Variants in CFAP61 observed in about 807,000 individuals in gnomAD.
CFAP61 encodes cilia- and flagella-associated protein 61.
CFAP61 carries 107 observed loss-of-function variants against 135.6 expected under a neutral mutation model. That is an observed-to-expected ratio of 0.79 (90% CI 0.67 to 0.93). The LOEUF is 0.93. Ranked by LOEUF, CFAP61 falls within the 40% of genes least tolerant of loss-of-function variation. CFAP61 has a pLI of 0.00. For missense variants in CFAP61, 1,507 were observed against 1,556.2 expected, an observed-to-expected ratio of 0.97 and a Z score of 0.53; for synonymous variants, 575 against 578.5, an observed-to-expected ratio of 0.99 and a Z score of 0.09.
chr20:20,282,174 C>G (rs556403346), intron 22 of CFAP61, among the ~76,000 whole-genome samples: 1 of 152,256 alleles, frequency 6.6e-6, no homozygotes, highest in Admixed American at 6.5e-5. Context: ...CTGCCAGTCT[C>G]TCTGTCTCTG....
intron 26 of CFAP61, among the ~76,000 whole-genome samples, chr20:20,358,085 G>A (rs1327230501): frequency 1.3e-5 from 2 of 148,860 alleles, no homozygotes; most frequent in Non-Finnish European, 3.0e-5. Context: ...GAGGGGAGGT[G>A]GTCACACTGT....
At chr20:20,294,116 G>A (rs1248029984) in intron 24 of CFAP61, among the ~76,000 whole-genome samples, 1 of 152,198 alleles carries the variant, frequency 6.6e-6, no homozygotes, top group Admixed American at 6.5e-5. Context: ...AATAGGGGAA[G>A]ACACCAGATA....
chr20:20,087,852 C>T (rs1276358395), intron 6 of CFAP61, among the ~76,000 whole-genome samples: 1 of 150,826 alleles, frequency 6.6e-6, no homozygotes, highest in Non-Finnish European at 1.5e-5. Flanking sequence ...AGGCTGTGAC[C>T]ACTATGCTGT....
At position 20,170,906 on chromosome 20, in the gene CFAP61, A is replaced by G. The variant is rs187455707; in HGVS notation, c.1385+1446A>G. Among the ~76,000 whole-genome samples the G allele has an allele frequency of 3.5e-4, 54 of 152,332 alleles. No homozygotes were observed. The East Asian group carries it at 6.7e-3, about 19-fold the overall frequency. On this transcript the variant is annotated intron_variant, in intron 13 of 26. Coordinates refer to ENST00000245957, the MANE Select transcript of CFAP61 (RefSeq NM_015585.4). ...GATAATTAACATTTATTGAGGGTTT[A>G]TAGTGTGCCAGGCGCTTTCTTAATA...
intron 9 of CFAP61, among the ~76,000 whole-genome samples, chr20:20,150,173 C>CA (rs2052276760): frequency 6.6e-6 from 1 of 151,940 alleles, no homozygotes; most frequent in Non-Finnish European, 1.5e-5. Flanking sequence ...ATGCGCCCAC[C>CA]ACCCCCCTAC....
At chr20:20,304,472 A>G (rs1336374218) in intron 25 of CFAP61, among the ~76,000 whole-genome samples, 1 of 151,926 alleles carries the variant, frequency 6.6e-6, no homozygotes, top group Non-Finnish European at 1.5e-5. Context: ...TCCCCTTAAA[A>G]GCATTTGTGC....
Position 20,178,685 on chromosome 20 carries a change from C to CA in CFAP61, c.1385+9226dup, listed in dbSNP as rs1170201352. ...TTGTCCTTTAATCGATTCTCCCCCC[C>CA]ACCATTTCTGTTTTCTTTGCTTTTC... On this transcript the variant is annotated intron_variant, in intron 13 of 26. Coordinates refer to ENST00000245957, the MANE Select transcript of CFAP61 (RefSeq NM_015585.4). Among the ~76,000 whole-genome samples the CA allele has an allele frequency of 2.0e-4, 30 of 152,198 alleles. 1 individual carries two copies. The highest frequency in any genetic ancestry group is 1.9e-3 in the East Asian group (10 of 5,178).
chr20:20,344,572 A>T (rs1430415911), intron 26 of CFAP61, among the ~76,000 whole-genome samples: 1 of 152,234 alleles, frequency 6.6e-6, no homozygotes, highest in Non-Finnish European at 1.5e-5. Flanking sequence ...CCCAGTGACA[A>T]TGGCTTTTAT....
At chr20:20,202,002 G>A in intron 17 of CFAP61, among the ~76,000 whole-genome samples, 1 of 141,460 alleles carries the variant, frequency 7.1e-6, no homozygotes, top group Middle Eastern at 3.5e-3. Flanking sequence ...AGAATTTTCA[G>A]TTAGGTGACT....
intron 25 of CFAP61, among the ~76,000 whole-genome samples, chr20:20,303,644 C>G (rs1261421950): frequency 6.6e-6 from 1 of 152,094 alleles, no homozygotes; most frequent in African/African-American, 2.4e-5. Flanking sequence ...TCTTTCCAAG[C>G]AGGGTGAATG....
intron 25 of CFAP61, among the ~76,000 whole-genome samples, chr20:20,331,991 A>G (rs1384208866): frequency 2.0e-5 from 3 of 152,224 alleles, no homozygotes; most frequent in Admixed American, 1.3e-4. Context: ...GCCTCATACT[A>G]TTAGTGCTGA....
chr20:20,102,539 A>T (rs147025327), intron 8 of CFAP61, among the ~76,000 whole-genome samples: 23 of 152,196 alleles, frequency 1.5e-4, no homozygotes, highest in African/African-American at 4.6e-4. Flanking sequence ...ACATAGGTAA[A>T]CTTGTGTCAT....
chr20:20,255,494 A>C (rs1358425278), intron 20 of CFAP61, among the ~76,000 whole-genome samples: 1 of 152,178 alleles, frequency 6.6e-6, no homozygotes, highest in East Asian at 1.9e-4. Flanking sequence ...AGTGAGCTTG[A>C]TGTGGGTCGG....
intron 25 of CFAP61, among the ~76,000 whole-genome samples, chr20:20,300,085 C>A (rs6081954): frequency 5.8e-4 from 88 of 152,286 alleles, no homozygotes; most frequent in African/African-American, 2.0e-3. Context: ...TTCCTGTCAC[C>A]TAGCACAACA....
rs111750018 is a variant in CFAP61 at position 20,185,166 on chromosome 20, T to C, written c.1386-2764T>C. On this transcript the variant is annotated intron_variant, in intron 13 of 26. Coordinates refer to ENST00000245957, the MANE Select transcript of CFAP61 (RefSeq NM_015585.4). ...ATGAAGCTCGTATATTGTAATCTTA[T>C]GTATCTTACTTTATGCATTTAAAAA... Among the ~76,000 whole-genome samples the C allele has an allele frequency of 2.1e-3, 320 of 152,344 alleles. 1 individual carries two copies. The highest frequency in any genetic ancestry group is 7.3e-3 in the African/African-American group (302 of 41,586).
chr20:20,107,624 A>C (rs2048504130), intron 8 of CFAP61: 1 of 148,448 alleles, frequency 6.7e-6, no homozygotes, highest in African/African-American at 2.4e-5. Flanking sequence ...ATACTTAAAA[A>C]AATTTTTTTT....
rs75304972 is a variant in CFAP61, at chr20:20,192,298, A to G, written c.1590+879A>G. On this transcript the variant is annotated intron_variant, in intron 15 of 26. Coordinates refer to ENST00000245957, the MANE Select transcript of CFAP61 (RefSeq NM_015585.4). ...TTCTTTGCATCGTATTTTGTGCCATATGAGTTTTTGTTTGTCCTGTGGGTC... is the reference window on the plus strand; with the variant it reads ...TTCTTTGCATCGTATTTTGTGCCATGTGAGTTTTTGTTTGTCCTGTGGGTC... 4.3e-3 allele frequency among the ~76,000 whole-genome samples: 649 copies of G among 151,976 alleles called. 14 individuals are homozygous for G. Among genetic ancestry groups the G allele is most frequent in the African/African-American group, 0.015 (629 of 41,392 alleles).
intron 8 of CFAP61, among the ~76,000 whole-genome samples, chr20:20,107,294 A>G (rs1267956216): frequency 6.6e-6 from 1 of 152,232 alleles, no homozygotes; most frequent in Non-Finnish European, 1.5e-5. Flanking sequence ...TTATTTGACT[A>G]CTGGGTCAGA....
In CFAP61 at chr20:20,277,329, G is replaced by A. The variant is rs769215006; in HGVS notation, c.2667G>A (p.Ala889=). The change falls in exon 22 of 27, where the codon GCG becomes GCA. Residue 889 remains alanine, a synonymous_variant. Coordinates refer to ENST00000245957, the MANE Select transcript of CFAP61 (RefSeq NM_015585.4). Reference sequence around the variant, plus strand: ...CGGTGGAGAGCGCCGTGGCGGACGCGCTAGGAGCCGCCGGAGTCACTATGT... The same window carrying A: ...CGGTGGAGAGCGCCGTGGCGGACGCACTAGGAGCCGCCGGAGTCACTATGT... ...NYSVESAVAD[A]LGAAGVTMYR... 1.2e-6 allele frequency: 2 copies of A among 1,614,152 alleles called. No individual in the cohort carries two copies. The highest frequency in any genetic ancestry group is 3.3e-5 in the Admixed American group (2 of 60,018).
Sources: allele counts gnomAD v4.1 joint callset (sites outside exome capture counted in the v4.1 genomes callset), GRCh38; gene constraint gnomAD v4.1.1; transcripts MANE v1.5; gene names NCBI Gene and HGNC (gene_info 2026-07-23, HGNC 2026-07-21).